FKRP: variants seen among roughly 807,000 people sequenced by gnomAD.
FKRP encodes the protein ribitol 5-phosphate transferase FKRP.
A neutral mutation model predicts 30.6 loss-of-function variants in FKRP; 25 were observed. The ratio of observed to expected loss-of-function variants is 0.82; its 90% CI spans 0.60 to 1.14. FKRP has a LOEUF of 1.14. FKRP is among the 50% of genes most tolerant of loss of function. The pLI is 0.00. For synonymous variants in FKRP, 358 were observed against 342.5 expected, an observed-to-expected ratio of 1.05 and a Z score of -0.50; for missense variants, 771 against 727.8, an observed-to-expected ratio of 1.06 and a Z score of -0.68.
At position 46,756,059 on chromosome 19, in the gene FKRP, C is replaced by T. The variant is rs1271791077; in HGVS notation, c.609C>T (p.Arg203=). The T allele has an allele frequency of 2.5e-6, 4 of 1,572,520 alleles. No homozygotes were observed. The highest frequency in any genetic ancestry group is 3.4e-6 in the Non-Finnish European group (4 of 1,168,570). ...ALDGDAVVLL[R]ARDLFNLSAP... ...ACGGAGATGCTGTGGTGCTCCTGCG[C>T]GCCCGCGACCTCTTCAACCTCTCGG... The change falls in exon 4 of 4, where the codon CGC becomes CGT. Residue 203 remains arginine (R), a synonymous_variant. Transcript: ENST00000318584. This position sits in a 1 kb window ranked among gnomAD's most constrained non-coding sequence, Gnocchi z 6.6.
intron 1 of FKRP, chr19:46,746,546 T>A: frequency 4.6e-6 from 2 of 434,170 alleles, no homozygotes; most frequent in Non-Finnish European, 6.0e-6. Context: ...CGGGGGACAG[T>A]AGGAAGGGGG....
chr19:46,744,965 T>G (rs1489114196), upstream of FKRP, among the ~76,000 whole-genome samples: 1 of 152,022 alleles, frequency 6.6e-6, no homozygotes. Context: ...TCAACATCCC[T>G]GTCCCAAGCT....
chr19:46,746,080 G>C lies in FKRP; in HGVS notation c.-263G>C. On this transcript the variant is annotated 5_prime_UTR_variant, in exon 1 of 4. Coordinates refer to ENST00000318584, the MANE Select transcript of FKRP (RefSeq NM_024301.5). ...GCCATTGCTCCAAGATGGCGGCGGC[G>C]GCGGCAGCGGGTGAGGCCGGGCCGG... The C allele has an allele frequency of 7.5e-7, 1 of 1,327,830 alleles. No homozygotes were observed. Among genetic ancestry groups the C allele is most frequent in the Non-Finnish European group, 9.6e-7 (1 of 1,041,752 alleles). The allele number at this position is 1,327,830 out of a possible 1,614,324, so 82.3% of individuals were successfully genotyped here.
chr19:46,756,045 G>C lies in FKRP; in HGVS notation c.595G>C (p.Val199Leu). 1 of 1,578,970 alleles carries C rather than the reference G, an allele frequency of 6.3e-7. No individual in the cohort carries two copies. Among genetic ancestry groups the C allele is most frequent in the Non-Finnish European group, 8.5e-7 (1 of 1,171,118 alleles). Reference sequence around the variant, plus strand: ...CTGCGACGCCCTGGACGGAGATGCTGTGGTGCTCCTGCGCGCCCGCGACCT... The same window carrying C: ...CTGCGACGCCCTGGACGGAGATGCTCTGGTGCTCCTGCGCGCCCGCGACCT... ...PRCDALDGDA[V>L]VLLRARDLFN... is the part of the protein sequence containing the mutation. Residue 199 changes from valine (V) to leucine (L), a missense_variant, in exon 4 of 4, where the codon GTG becomes CTG. Coordinates refer to ENST00000318584, the MANE Select transcript of FKRP (RefSeq NM_024301.5). This position sits in a 1 kb window ranked among gnomAD's most constrained non-coding sequence, Gnocchi z 6.6.
Position 46,757,874 on chromosome 19 carries a change from A to G in FKRP, c.*936A>G, listed in dbSNP as rs1229841282. The G allele has an allele frequency of 1.2e-5, 2 of 166,912 alleles. No individual in the cohort carries two copies. The highest frequency in any genetic ancestry group is 2.9e-5 in the Non-Finnish European group (2 of 68,188). 10.3% of individuals were successfully genotyped at this position (166,912 alleles called of 1,614,324 possible). On this transcript the variant is annotated 3_prime_UTR_variant, in exon 4 of 4. Coordinates refer to ENST00000318584, the MANE Select transcript of FKRP (RefSeq NM_024301.5). ...GATCGCTTGAGCCCAGGAGTCTGAG[A>G]CCAGCCTCGGCAACATGCCAAGACC...
In FKRP at chr19:46,748,010, G is replaced by A. The variant is rs2054700059; in HGVS notation, c.-252-17G>A. The A allele has an allele frequency of 6.6e-6, 1 of 152,136 alleles. No individual in the cohort carries two copies. The highest frequency in any genetic ancestry group is 1.5e-5 in the Non-Finnish European group (1 of 68,050). The allele number at this position is 152,136 out of a possible 1,614,324, so 9.4% of individuals were successfully genotyped here. On this transcript the variant is annotated splice_polypyrimidine_tract_variant and intron_variant, in intron 1 of 3. Coordinates refer to ENST00000318584, the MANE Select transcript of FKRP (RefSeq NM_024301.5). ...GGAAATGGCTGATTTGGGATTTTCT[G>A]GTTCTCCTCCTCTCAGGAGCGCAGC...
chr19:46,756,257 C>A lies in FKRP; in HGVS notation c.807C>A (p.Leu269=). 1 of 1,487,160 alleles carries A rather than the reference C, an allele frequency of 6.7e-7. No homozygotes were observed. Among genetic ancestry groups the A allele is most frequent in the Non-Finnish European group, 8.9e-7 (1 of 1,121,382 alleles). 92.1% of individuals were successfully genotyped at this position (1,487,160 alleles called of 1,614,324 possible). ...REGRARRAAL[L]RALGIRLVSW... is the part of the protein sequence containing the mutation. ...GACGCGCTCGGCGGGCGGCGCTGCT[C>A]CGCGCGCTGGGCATCCGCCTAGTGA... The change falls in exon 4 of 4, where the codon CTC becomes CTA. Residue 269 remains leucine, a synonymous_variant. Transcript: ENST00000318584. This position sits in a 1 kb window ranked among gnomAD's most constrained non-coding sequence, Gnocchi z 6.6.
rs2122636612 is a variant in FKRP at position 46,756,838 on chromosome 19, A to G, written c.1388A>G (p.Asn463Ser). Reference protein sequence around the residue: ...PFAGFVAQAPNNYRRFLELKF... With the variant: ...PFAGFVAQAPSNYRRFLELKF... The stretch of plus-strand genomic sequence containing the variant: ...GCCGGCTTCGTGGCGCAGGCGCCTA[A>G]CAACTACCGCCGCTTCCTGGAGCTC... Residue 463 changes from asparagine to serine, a missense_variant, in exon 4 of 4, where the codon AAC becomes AGC. Asn to Ser is a conservative substitution (Grantham distance 46, BLOSUM62 1). Transcript: ENST00000318584. The surrounding 1 kb of genome is among the most constrained non-coding windows in gnomAD (Gnocchi z 6.6). 1 of 1,601,738 alleles carries G rather than the reference A, an allele frequency of 6.2e-7. No individual in the cohort carries two copies. The highest frequency in any genetic ancestry group is 8.5e-7 in the Non-Finnish European group (1 of 1,174,660).
rs747785577 is a variant in FKRP, at chr19:46,756,813, G to A, written c.1363G>A (p.Ala455Thr). Residue 455 changes from alanine to threonine, a missense_variant, in exon 4 of 4, where the codon GCC (alanine) becomes ACC (threonine). By Grantham distance (58) the Ala-to-Thr change is moderately conservative (BLOSUM62 0). Coordinates refer to ENST00000318584, the MANE Select transcript of FKRP (RefSeq NM_024301.5). This position sits in a 1 kb window ranked among gnomAD's most constrained non-coding sequence, Gnocchi z 6.6. ...GCAGCCGCTGGTGCCCCTGCCCTTT[G>A]CCGGCTTCGTGGCGCAGGCGCCTAA... ...FLQPLVPLPFAGFVAQAPNNY... is the reference protein window; with the variant it reads ...FLQPLVPLPFTGFVAQAPNNY... 1 of 1,599,894 alleles carries A rather than the reference G, an allele frequency of 6.3e-7. No homozygotes were observed. Among genetic ancestry groups the A allele is most frequent in the Non-Finnish European group, 8.5e-7 (1 of 1,173,822 alleles).
In FKRP at chr19:46,755,399, C is replaced by A. The variant is rs974184455; in HGVS notation, c.-39-13C>A. The A allele has an allele frequency of 1.2e-5, 19 of 1,526,482 alleles. No homozygotes were observed. The South Asian group carries it at 2.2e-4, about 17-fold the overall frequency. 94.6% of individuals were successfully genotyped at this position (1,526,482 alleles called of 1,614,324 possible). On this transcript the variant is annotated splice_polypyrimidine_tract_variant and intron_variant, in intron 3 of 3. Transcript: ENST00000318584. ...AATCAGCTGCTGCCTTCCCTTTCGT[C>A]CCCCTCCCCCAGGATGCCCCGGAGG...
intron 3 of FKRP, among the ~76,000 whole-genome samples, chr19:46,749,961 C>T (rs12150869): frequency 0.33 from 50,283 of 151,866 alleles, 8,397 homozygotes; most frequent in South Asian, 0.41. Flanking sequence ...AGCAATCTCC[C>T]CCAGCCTCAT....
intron 2 of FKRP, among the ~76,000 whole-genome samples, 154 bp from the exon 3 acceptor site, chr19:46,748,361 T>C (rs1377165244): frequency 6.6e-6 from 1 of 152,032 alleles, no homozygotes; most frequent in East Asian, 1.9e-4. Context: ...GTATTTTTAA[T>C]AGAGATGGGG....
In FKRP at chr19:46,746,070, T is replaced by TGGCGGC. The variant is rs995093352; in HGVS notation, c.-263_-258dup. 57 of 1,216,562 alleles carry TGGCGGC rather than the reference T, an allele frequency of 4.7e-5. No individual in the cohort carries two copies. The highest frequency in any genetic ancestry group is 1.9e-4 in the East Asian group (5 of 26,058). 75.4% of individuals were successfully genotyped at this position (1,216,562 alleles called of 1,614,324 possible). On this transcript the variant is annotated 5_prime_UTR_variant, in exon 1 of 4. Transcript: ENST00000318584. ...CGTCCCGGCGGCCATTGCTCCAAGA[T>TGGCGGC]GGCGGCGGCGGCGGCAGCGGGTGAG... is the stretch of plus-strand genomic sequence containing the variant.
At chr19:46,746,215 G>A in intron 1 of FKRP, 125 bp downstream of exon 1, 5 of 1,537,800 alleles carry the variant, frequency 3.3e-6, no homozygotes, top group Non-Finnish European at 4.3e-6. Context: ...ACTCGTGCTG[G>A]ATAAAGTGCA....
At chr19:46,746,119 G>A in intron 1 of FKRP, 29 bp downstream of exon 1, 1 of 1,471,848 alleles carries the variant, frequency 6.8e-7, no homozygotes, top group South Asian at 1.3e-5. Flanking sequence ...GGGCCGGGTT[G>A]GGGGTCGGGG....
At chr19:46,755,105 C>T (rs1309470263) in intron 3 of FKRP, among the ~76,000 whole-genome samples, 3 of 151,624 alleles carry the variant, frequency 2.0e-5, no homozygotes, top group Non-Finnish European at 4.4e-5. Context: ...CTGTACTTAT[C>T]AAACAACTCC....
At chr19:46,752,443 G>A (rs2054812407) in intron 3 of FKRP, among the ~76,000 whole-genome samples, 1 of 152,180 alleles carries the variant, frequency 6.6e-6, no homozygotes, top group South Asian at 2.1e-4. Flanking sequence ...CTGTCTCTGA[G>A]CATCTGTTGC....
intron 3 of FKRP, among the ~76,000 whole-genome samples, chr19:46,752,649 T>G (rs2054816535): frequency 6.6e-6 from 1 of 152,070 alleles, no homozygotes; most frequent in South Asian, 2.1e-4. Context: ...TCACTTGAGG[T>G]CAGGAGTTCG....
In FKRP at chr19:46,746,427, T is replaced by G; in HGVS notation, c.-253+337T>G. On this transcript the variant is annotated intron_variant, in intron 1 of 3. Transcript: ENST00000318584. Reference sequence around the variant, plus strand: ...ACCGCGGCGGCCGCTCGCTCCTCCATCATGGAGGCCCCGGGGCCGGCCTGC... The same window carrying G: ...ACCGCGGCGGCCGCTCGCTCCTCCAGCATGGAGGCCCCGGGGCCGGCCTGC... 3 of 1,020,160 alleles carry G rather than the reference T, an allele frequency of 2.9e-6. No homozygotes were observed. Among genetic ancestry groups the G allele is most frequent in the East Asian group, 9.5e-5 (1 of 10,472 alleles). The allele number at this position is 1,020,160 out of a possible 1,614,324, so 63.2% of individuals were successfully genotyped here. A position where few individuals can be genotyped will look rare whatever the true frequency, so the allele number is the denominator to read the frequency against.
Sources: allele counts gnomAD v4.1 joint callset (sites outside exome capture counted in the v4.1 genomes callset), GRCh38; gene constraint gnomAD v4.1.1; non-coding constraint Gnocchi (gnomAD v3.1); transcripts MANE v1.5; gene names NCBI Gene and HGNC (gene_info 2026-07-23, HGNC 2026-07-21).